The following MAP3K20 variants were observed in gnomAD, a reference collection of about 807,000 sequenced individuals.
MAP3K20 encodes HCCS-4.
Under a neutral mutation model 85.7 loss-of-function variants are expected in MAP3K20, and 40 were observed. The observed-to-expected ratio is 0.47, with a 90% CI of 0.36 to 0.61. The LOEUF is 0.61. Ranked by LOEUF, MAP3K20 falls within the 20% of genes least tolerant of loss-of-function variation. The pLI, the probability that MAP3K20 is intolerant of heterozygous loss-of-function variation, is 0.00. For synonymous variants in MAP3K20, 325 were observed against 327.7 expected, an observed-to-expected ratio of 0.99 and a Z score of 0.09; for missense variants, 817 against 961.7, an observed-to-expected ratio of 0.85 and a Z score of 1.99.
At chr2:173,211,456 G>A (rs947168776) in intron 10 of MAP3K20, 1 of 152,238 alleles carries the variant, frequency 6.6e-6, no homozygotes, top group African/African-American at 2.4e-5. Context: ...CATTTCAGCT[G>A]TGTACCACGC....
intron 2 of MAP3K20, among the ~76,000 whole-genome samples, chr2:173,152,659 G>GA (rs1467403069): frequency 1.3e-5 from 2 of 152,150 alleles, no homozygotes; most frequent in African/African-American, 2.4e-5. Context: ...CAAGCAAAGA[G>GA]AAAAACTAGA....
intron 16 of MAP3K20, among the ~76,000 whole-genome samples, chr2:173,243,615 A>G (rs1200301149): frequency 1.3e-5 from 2 of 152,076 alleles, no homozygotes; most frequent in Non-Finnish European, 2.9e-5. Flanking sequence ...GATCAGATTT[A>G]TGTTTTTTTG....
At chr2:173,224,028 T>A in intron 11 of MAP3K20, 1 of 983,242 alleles carries the variant, frequency 1.0e-6, no homozygotes, top group Non-Finnish European at 1.2e-6. Context: ...TTCTGGAAGA[T>A]AGCTAGATGA....
intron 2 of MAP3K20, among the ~76,000 whole-genome samples, chr2:173,107,765 C>T (rs1387749114): frequency 6.6e-6 from 1 of 152,086 alleles, no homozygotes; most frequent in South Asian, 2.1e-4. Flanking sequence ...ATAATAGAGT[C>T]CACTTCATAA....
At chr2:173,229,272 G>C (rs944772258) in intron 11 of MAP3K20, among the ~76,000 whole-genome samples, 4 of 152,176 alleles carry the variant, frequency 2.6e-5, no homozygotes, top group African/African-American at 9.7e-5. Context: ...ATTCCCCCTT[G>C]AGAACAGGCA....
chr2:173,158,629 G>T (rs1689551349), intron 2 of MAP3K20, among the ~76,000 whole-genome samples: 1 of 152,182 alleles, frequency 6.6e-6, no homozygotes, highest in African/African-American at 2.4e-5. Context: ...ATCCATTGAT[G>T]GAAGACATAG....
At chr2:173,092,287 C>T (rs967840331) in intron 2 of MAP3K20, among the ~76,000 whole-genome samples, 7 of 152,186 alleles carry the variant, frequency 4.6e-5, no homozygotes, top group Non-Finnish European at 5.9e-5. Context: ...AAAGCCCATC[C>T]GTACACAAAA....
chr2:173,110,613 A>T (rs1032255126), intron 2 of MAP3K20, among the ~76,000 whole-genome samples: 1 of 151,764 alleles, frequency 6.6e-6, no homozygotes, highest in Non-Finnish European at 1.5e-5. Flanking sequence ...CCATTGCATC[A>T]TTCTTATGCA....
intron 18 of MAP3K20, among the ~76,000 whole-genome samples, chr2:173,261,612 C>A (rs1365228635): frequency 6.6e-6 from 1 of 152,184 alleles, no homozygotes; most frequent in African/African-American, 2.4e-5. Context: ...GCATTTCATT[C>A]ATTCATCAAT....
At chr2:173,236,762 G>A (rs1018006626) in intron 14 of MAP3K20, among the ~76,000 whole-genome samples, 1 of 152,208 alleles carries the variant, frequency 6.6e-6, no homozygotes, top group African/African-American at 2.4e-5. Flanking sequence ...TACTCTAGGA[G>A]GGCCCTGCAT....
At chr2:173,144,659 C>T (rs916544437) in intron 2 of MAP3K20, among the ~76,000 whole-genome samples, 3 of 152,066 alleles carry the variant, frequency 2.0e-5, no homozygotes, top group African/African-American at 7.2e-5. Flanking sequence ...GATCTCGCCA[C>T]TGCACTCTGG....
At chr2:173,261,023 T>C in intron 17 of MAP3K20, 40 bp from the exon 18 acceptor site, 1 of 1,589,112 alleles carries the variant, frequency 6.3e-7, no homozygotes, top group South Asian at 1.1e-5. Flanking sequence ...TAGAGCAGAC[T>C]GTGTTATGGT....
chr2:173,122,656 A>T (rs191510136), intron 2 of MAP3K20, among the ~76,000 whole-genome samples: 2 of 152,192 alleles, frequency 1.3e-5, no homozygotes, highest in African/African-American at 4.8e-5. Context: ...CACTGGACCT[A>T]CGTTTTGTTG....
rs558123631 is a variant in MAP3K20, at chr2:173,218,806, C to G, written c.987+1556C>G. 2.5e-3 allele frequency among the ~76,000 whole-genome samples: 375 copies of G among 152,252 alleles called. 1 individual carries two copies. Among genetic ancestry groups the G allele is most frequent in the African/African-American group, 8.8e-3 (364 of 41,544 alleles). ...TCAGTTTTGCTAAGAAATGGGCTGC[C>G]TTGCACACATTATTGCTCTTAGTAA... On this transcript the variant is annotated intron_variant, in intron 11 of 19. Transcript: ENST00000375213.
At chr2:173,122,923 C>T (rs545415026) in intron 2 of MAP3K20, among the ~76,000 whole-genome samples, 6 of 152,288 alleles carry the variant, frequency 3.9e-5, no homozygotes, top group South Asian at 2.1e-4. Flanking sequence ...ACATCTCCTG[C>T]GGTCTTACTG....
chr2:173,077,608 A>G (rs928439885), intron 1 of MAP3K20, among the ~76,000 whole-genome samples: 3 of 152,160 alleles, frequency 2.0e-5, no homozygotes, highest in African/African-American at 7.2e-5. Flanking sequence ...ACTTTTTGAG[A>G]TTATTTGGGG....
At chr2:173,076,207 G>C (rs1686853264) in intron 1 of MAP3K20, among the ~76,000 whole-genome samples, 1 of 151,632 alleles carries the variant, frequency 6.6e-6, no homozygotes, top group Admixed American at 6.6e-5. Context: ...GCGAGCGAGC[G>C]AGCGTTCGCG....
chr2:173,124,351 A>C (rs1688381086), intron 2 of MAP3K20, among the ~76,000 whole-genome samples: 1 of 152,212 alleles, frequency 6.6e-6, no homozygotes, highest in Non-Finnish European at 1.5e-5. Context: ...GAGAACAGCT[A>C]CTAGCTCCAG....
intron 3 of MAP3K20, among the ~76,000 whole-genome samples, chr2:173,182,614 C>T (rs1690363149): frequency 6.6e-6 from 1 of 152,140 alleles, no homozygotes; most frequent in Admixed American, 6.5e-5. Flanking sequence ...TCAGTTCCAG[C>T]TAAATGGCTT....
Sources: gnomAD v4.1 joint callset for allele counts (sites outside exome capture counted in the v4.1 genomes callset) on GRCh38, gnomAD v4.1.1 for gene constraint, MANE v1.5 for transcripts, NCBI Gene and HGNC (gene_info 2026-07-23, HGNC 2026-07-21) for gene names.